KIF24: variants seen among roughly 807,000 people sequenced by gnomAD.
KIF24 encodes kinesin family member 24.
In KIF24, 81 loss-of-function variants were observed where a neutral mutation model predicts 118.9. The ratio of observed to expected loss-of-function variants is 0.68; its 90% CI spans 0.57 to 0.82. KIF24 has a LOEUF of 0.82. Among genes scored for constraint, KIF24 ranks in the 40% least tolerant of loss-of-function variants. The pLI is 0.00. For missense variants in KIF24, 1,560 were observed against 1,661.6 expected, an observed-to-expected ratio of 0.94 and a Z score of 1.06; for synonymous variants, 599 against 610.0, an observed-to-expected ratio of 0.98 and a Z score of 0.27.
chr9:34,328,456 C>T (rs1837749950), intron 1 of KIF24, among the ~76,000 whole-genome samples: 1 of 152,094 alleles, frequency 6.6e-6, no homozygotes. Context: ...TTGCAGCAAC[C>T]AATCCAAAAA....
At chr9:34,267,252 CT>C (rs1835330908) in intron 8 of KIF24, among the ~76,000 whole-genome samples, 1 of 151,170 alleles carries the variant, frequency 6.6e-6, no homozygotes, top group South Asian at 2.1e-4. Flanking sequence ...TTAACAGAGA[CT>C]AAGGGGAAAG....
In KIF24 at chr9:34,256,773, T is replaced by C; in HGVS notation, c.2834A>G (p.Asp945Gly). 1 of 1,614,002 alleles carries C rather than the reference T, an allele frequency of 6.2e-7. No homozygotes were observed. Among genetic ancestry groups the C allele is most frequent in the Non-Finnish European group, 8.5e-7 (1 of 1,179,888 alleles). Reference sequence around the variant, plus strand: ...ACCTCTTTCCTGTCTATATATGAAATCTACCTGTGAACAGTATGGCTTCTC... The same window carrying C: ...ACCTCTTTCCTGTCTATATATGAAACCTACCTGTGAACAGTATGGCTTCTC... ...LAEKPYCSQV[D>G]FIYRQERGGG... Residue 945 changes from aspartate (D) to glycine (G), a missense_variant, in exon 11 of 13, where the codon GAT becomes GGT. By Grantham distance (94) the Asp-to-Gly change is moderately conservative. Around this residue, in one of 3 missense-constraint regions of KIF24, gnomAD observed 591 missense variants for 655.6 expected, o/e 0.90. Coordinates refer to ENST00000402558, the MANE Select transcript of KIF24 (RefSeq NM_194313.4).
At chr9:34,283,310 T>C (rs7390439) in intron 6 of KIF24, among the ~76,000 whole-genome samples, 22,462 of 151,712 alleles carry the variant, frequency 0.15, 2,084 homozygotes, top group South Asian at 0.31. Context: ...AGACTGAGAC[T>C]GCAGTGAGCT....
chr9:34,332,680 G>A (rs1438935611), upstream of KIF24, among the ~76,000 whole-genome samples: 1 of 152,124 alleles, frequency 6.6e-6, no homozygotes, highest in African/African-American at 2.4e-5. Context: ...AAAATCTCCT[G>A]TTTCCTCCCT....
chr9:34,254,772 G>C (rs1309876365), intron 12 of KIF24, among the ~76,000 whole-genome samples: 2 of 152,140 alleles, frequency 1.3e-5, no homozygotes, highest in African/African-American at 2.4e-5. Flanking sequence ...GTAGGCAGCA[G>C]ACTGGTCACT....
Position 34,254,273 on chromosome 9 carries a change from G to GT in KIF24, c.*106dup, listed in dbSNP as rs1834727704. On this transcript the variant is annotated 3_prime_UTR_variant, in exon 13 of 13. Transcript: ENST00000402558. ...TGACGCTAGCATAGGCAGGACCAGC[G>GT]TGTGGGTTCTGGTGTGTGCAGGGAG... is the stretch of plus-strand genomic sequence containing the variant. The GT allele has an allele frequency of 8.0e-7, 1 of 1,255,384 alleles. No homozygotes were observed. The highest frequency in any genetic ancestry group is 1.1e-6 in the Non-Finnish European group (1 of 940,212). The allele number at this position is 1,255,384 out of a possible 1,614,324, so 77.8% of individuals were successfully genotyped here. A position where few individuals can be genotyped will look rare whatever the true frequency, so the allele number is the denominator to read the frequency against.
At chr9:34,278,340 G>A (rs534633555) in intron 6 of KIF24, among the ~76,000 whole-genome samples, 47 of 152,250 alleles carry the variant, frequency 3.1e-4, no homozygotes, top group Admixed American at 2.7e-3. Flanking sequence ...AACCTGGGAG[G>A]CAGAGGTTGC....
chr9:34,291,514 G>GA (rs1397378752), intron 4 of KIF24, among the ~76,000 whole-genome samples: 7 of 152,216 alleles, frequency 4.6e-5, no homozygotes, highest in African/African-American at 1.7e-4. Context: ...GATGCCCTAT[G>GA]ATTCTAAGTG....
intron 4 of KIF24, 30 bp downstream of exon 4, chr9:34,296,987 A>G: frequency 8.7e-7 from 1 of 1,143,066 alleles, no homozygotes; most frequent in Non-Finnish European, 1.3e-6. Flanking sequence ...GAAAATAAAA[A>G]GCAAAAAAAG....
intron 8 of KIF24, among the ~76,000 whole-genome samples, chr9:34,268,699 A>G (rs1247924213): frequency 2.7e-5 from 4 of 150,674 alleles, no homozygotes; most frequent in African/African-American, 9.8e-5. Flanking sequence ...ATAGAGACAG[A>G]GTTTCACCAT....
At chr9:34,266,461 G>A (rs943228463) in intron 8 of KIF24, among the ~76,000 whole-genome samples, 17 of 152,034 alleles carry the variant, frequency 1.1e-4, no homozygotes, top group African/African-American at 3.9e-4. Flanking sequence ...GGCGAATCAC[G>A]AGGTTAGGAG....
intron 1 of KIF24, among the ~76,000 whole-genome samples, chr9:34,321,320 C>T (rs939684746): frequency 9.9e-5 from 15 of 151,600 alleles, no homozygotes; most frequent in African/African-American, 2.9e-4. Flanking sequence ...AAAAAAAAAC[C>T]GAGGACTCAG....
rs557836135 is a variant in KIF24, at chr9:34,301,990, T to TTTTTC, written c.813+4261_813+4262insGAAAA. ...ATCTTATTTTTTCTATATATGTATT[T>TTTTTC]TTTTTTCTTTTTTTTTTTTTTTGAG... On this transcript the variant is annotated intron_variant, in intron 3 of 12. Transcript: ENST00000402558. Among the ~76,000 whole-genome samples the TTTTTC allele has an allele frequency of 2.5e-5, 2 of 79,240 alleles. 1 individual carries two copies. 52.0% of individuals were successfully genotyped at this position (79,240 alleles called of 152,430 possible).
rs535308953 is a variant in KIF24, at chr9:34,299,604, G to C, written c.814-2490C>G. 2.6e-5 allele frequency among the ~76,000 whole-genome samples: 4 copies of C among 151,836 alleles called. 1 individual carries two copies. In the South Asian group the frequency reaches 8.3e-4, roughly 32 times the overall value. ...TAACATGTATTTATAGAATATCTCT[G>C]GAAAGATACACTTAGAATAGGTAAC... On this transcript the variant is annotated intron_variant, in intron 3 of 12. Transcript: ENST00000402558.
At chr9:34,331,370 T>C (rs1000480790), upstream of KIF24, among the ~76,000 whole-genome samples, 1 of 152,224 alleles carries the variant, frequency 6.6e-6, no homozygotes, top group Non-Finnish European at 1.5e-5. Flanking sequence ...ACAACAACCA[T>C]GCAAAGTAGG....
intron 1 of KIF24, among the ~76,000 whole-genome samples, chr9:34,325,509 A>G (rs1479475742): frequency 1.3e-5 from 2 of 152,062 alleles, no homozygotes; most frequent in Admixed American, 6.6e-5. Flanking sequence ...CCTGGTCAAC[A>G]TGGTGAAACC....
chr9:34,326,453 T>A (rs1413363295), intron 1 of KIF24, among the ~76,000 whole-genome samples: 2 of 152,214 alleles, frequency 1.3e-5, no homozygotes, highest in African/African-American at 4.8e-5. Context: ...AGCGGTAGTT[T>A]TAGATGATGA....
intron 8 of KIF24, among the ~76,000 whole-genome samples, chr9:34,266,049 C>T (rs188916126): frequency 5.3e-5 from 8 of 151,878 alleles, no homozygotes; most frequent in South Asian, 4.1e-4. Context: ...TGTGCCACCA[C>T]GCCCAGCTAA....
intron 8 of KIF24, among the ~76,000 whole-genome samples, chr9:34,266,219 T>A (rs900503460): frequency 3.3e-4 from 2 of 6,100 alleles, no homozygotes; most frequent in South Asian, 0.036. Flanking sequence ...TTTATTACTA[T>A]AAATCCCACA....
Sources: gnomAD v4.1 joint callset for allele counts (sites outside exome capture counted in the v4.1 genomes callset) on GRCh38, gnomAD v4.1.1 for gene constraint, gnomAD v4.1.1 regional missense constraint, MANE v1.5 for transcripts, NCBI Gene and HGNC (gene_info 2026-07-23, HGNC 2026-07-21) for gene names.